The following GSDME variants were observed in gnomAD, a reference collection of about 807,000 sequenced individuals.
The protein encoded by GSDME is gasdermin-E.
A neutral mutation model predicts 47.5 loss-of-function variants in GSDME; 44 were observed. That is an observed-to-expected ratio of 0.93 (90% CI 0.73 to 1.19). The LOEUF is 1.19. GSDME is among the 50% of genes most tolerant of loss of function. GSDME has a pLI of 0.00. For missense variants in GSDME, 663 were observed against 604.2 expected, an observed-to-expected ratio of 1.10 and a Z score of -1.02; for synonymous variants, 258 against 252.8, an observed-to-expected ratio of 1.02 and a Z score of -0.20.
rs1441068555 is a variant in GSDME, at chr7:24,724,701, AAC to A, written c.405-5485_405-5484del. The A allele has an allele frequency of 1.3e-5, 2 of 152,230 alleles. No individual in the cohort carries two copies. Among genetic ancestry groups the A allele is most frequent in the African/African-American group, 4.8e-5 (2 of 41,458 alleles). The allele number at this position is 152,230 out of a possible 1,614,324, so 9.4% of individuals were successfully genotyped here. A position where few individuals can be genotyped will look rare whatever the true frequency, so the allele number is the denominator to read the frequency against. On this transcript the variant is annotated intron_variant, in intron 3 of 9. Coordinates refer to ENST00000645220, the MANE Select transcript of GSDME (RefSeq NM_001127453.2). The surrounding 1 kb of genome is among the most constrained non-coding windows in gnomAD (Gnocchi z 4.8). ...CTGCGCGTACCTGGCAGGTCGATAT[AAC>A]ACAAAGACCTGGAGTCATCCCGGAA... is the stretch of plus-strand genomic sequence containing the variant.
Position 24,706,078 on chromosome 7 carries a change from AC to A in GSDME, c.1183+105del, listed in dbSNP as rs1157458814. 13 of 1,373,066 alleles carry A rather than the reference AC, an allele frequency of 9.5e-6. No individual in the cohort carries two copies. The East Asian group carries it at 3.2e-4, about 33-fold the overall frequency. 85.1% of individuals were successfully genotyped at this position (1,373,066 alleles called of 1,614,324 possible). Reference sequence around the variant, plus strand: ...TACCAGAAGGGAAGGACCTGTATGTACCATATCTTCCACAGTTACCACCTCT... The same window carrying A: ...TACCAGAAGGGAAGGACCTGTATGTACATATCTTCCACAGTTACCACCTCT... On this transcript the variant is annotated intron_variant, in intron 8 of 9. Coordinates refer to ENST00000645220, the MANE Select transcript of GSDME (RefSeq NM_001127453.2).
chr7:24,706,517 C>A, intron 7 of GSDME, 141 bp from the exon 8 acceptor site: 3 of 793,082 alleles, frequency 3.8e-6, no homozygotes, highest in Admixed American at 5.5e-5. Flanking sequence ...TCTCTACGTT[C>A]TGAAATTGCT....
chr7:24,731,535 C>G (rs976356264), intron 3 of GSDME, among the ~76,000 whole-genome samples: 4 of 152,250 alleles, frequency 2.6e-5, no homozygotes, highest in Non-Finnish European at 4.4e-5. Context: ...TCCTGCAGCT[C>G]TGTGGCTCCC....
chr7:24,748,163 TATA>T (rs1313250025), intron 2 of GSDME, among the ~76,000 whole-genome samples: 3,007 of 117,276 alleles, frequency 0.026, 93 homozygotes, highest in African/African-American at 0.077. Context: ...TATATATATA[TATA>T]TATTTTTTTT....
At chr7:24,775,463 C>T in the GSDME span, among the ~76,000 whole-genome samples, 24 of 152,152 alleles carry the variant, frequency 1.6e-4, no homozygotes, top group Non-Finnish European at 3.4e-4. Flanking sequence ...TCAACACAAA[C>T]GTGTGAAGTG....
At chr7:24,746,986 C>A (rs1790687236) in intron 2 of GSDME, among the ~76,000 whole-genome samples, 1 of 152,236 alleles carries the variant, frequency 6.6e-6, no homozygotes, top group Admixed American at 6.5e-5. Context: ...GACACAGAAT[C>A]CAGGATGAGC....
Position 24,725,791 on chromosome 7 carries a change from A to G in GSDME, c.405-6573T>C, listed in dbSNP as rs1789946475. Reference sequence around the variant, plus strand: ...GTGACGCCGGGCTGTCTGCTTGTGGATTTCATTTCTGCCTTTTAGTTTTTA... The same window carrying G: ...GTGACGCCGGGCTGTCTGCTTGTGGGTTTCATTTCTGCCTTTTAGTTTTTA... On this transcript the variant is annotated intron_variant, in intron 3 of 9. Coordinates refer to ENST00000645220, the MANE Select transcript of GSDME (RefSeq NM_001127453.2). This position sits in a 1 kb window ranked among gnomAD's most constrained non-coding sequence, Gnocchi z 5.1. Among the ~76,000 whole-genome samples, 2 of 152,184 alleles carry G rather than the reference A, an allele frequency of 1.3e-5. No homozygotes were observed. Among genetic ancestry groups the G allele is most frequent in the South Asian group, 2.1e-4 (1 of 4,816 alleles).
At chr7:24,749,471 C>T in intron 2 of GSDME, 93 bp downstream of exon 2, 2 of 1,120,154 alleles carry the variant, frequency 1.8e-6, no homozygotes, top group Non-Finnish European at 2.6e-6. Context: ...CACTGCACTC[C>T]AGCATGGGCG....
chr7:24,782,737 T>C, the GSDME span, among the ~76,000 whole-genome samples: 4 of 152,366 alleles, frequency 2.6e-5, no homozygotes, highest in South Asian at 2.1e-4. Flanking sequence ...TGTTGTTTCC[T>C]GACTTTTTAA....
intron 3 of GSDME, 138 bp from the exon 4 acceptor site, chr7:24,719,356 G>A: frequency 2.1e-6 from 2 of 951,460 alleles, no homozygotes; most frequent in Non-Finnish European, 3.3e-6. Flanking sequence ...TGATGAAAGG[G>A]GTGGCAGGTC....
chr7:24,721,421 T>C lies in GSDME; in HGVS notation c.405-2203A>G, dbSNP rs1181136656. On this transcript the variant is annotated intron_variant, in intron 3 of 9. Transcript: ENST00000645220. The surrounding 1 kb of genome is among the most constrained non-coding windows in gnomAD (Gnocchi z 4.1). ...AGGAAGGAACAGGAAACAGGGACCC[T>C]GGAGCCTGCAGGGCTGGGGTTCGGA... 2.0e-5 allele frequency among the ~76,000 whole-genome samples: 3 copies of C among 152,218 alleles called. No homozygotes were observed. The highest frequency in any genetic ancestry group is 2.9e-5 in the Non-Finnish European group (2 of 68,038).
intron 3 of GSDME, among the ~76,000 whole-genome samples, chr7:24,741,567 C>G (rs1790493158): frequency 6.6e-6 from 1 of 152,100 alleles, no homozygotes; most frequent in African/African-American, 2.4e-5. Flanking sequence ...TATGTGCACA[C>G]ATTTCATAGA....
At chr7:24,706,034 C>T (rs1789084154) in intron 8 of GSDME, 150 bp downstream of exon 8, 5 of 995,654 alleles carry the variant, frequency 5.0e-6, no homozygotes, top group Admixed American at 2.0e-5. Context: ...CATCAGCCTC[C>T]CACCTCTTAC....
chr7:24,719,638 C>T (rs1354602710), intron 3 of GSDME, among the ~76,000 whole-genome samples: 2 of 151,582 alleles, frequency 1.3e-5, no homozygotes, highest in African/African-American at 2.4e-5. Flanking sequence ...ACCAAAAATA[C>T]AAAAATTAGC....
the GSDME span, among the ~76,000 whole-genome samples, chr7:24,792,611 T>C: frequency 6.6e-6 from 1 of 152,168 alleles, no homozygotes; most frequent in Non-Finnish European, 1.5e-5. Context: ...AGTAATAGAA[T>C]AGATGAAAGA....
chr7:24,780,055 A>G, the GSDME span, among the ~76,000 whole-genome samples: 1 of 152,248 alleles, frequency 6.6e-6, no homozygotes, highest in African/African-American at 2.4e-5. The surrounding 1 kb of genome is among the most constrained non-coding windows in gnomAD (Gnocchi z 4.1). Flanking sequence ...GCCCACATAC[A>G]AAGAGAATTA....
At position 24,744,650 on chromosome 7, in the gene GSDME, T is replaced by C; in HGVS notation, c.316A>G (p.Ser106Gly). ...GAAGACTGGCTCTCTACGCGGCTGC[T>C]GCCCCCCAGGTTCAGCTTGACCTTC... is the stretch of plus-strand genomic sequence containing the variant. ...LGKVKLNLGG[S>G]SRVESQSSFG... The change falls in exon 3 of 10, where the codon AGC becomes GGC. Residue 106 changes from serine (S) to glycine (G), a missense_variant. Transcript: ENST00000645220. This position sits in a 1 kb window ranked among gnomAD's most constrained non-coding sequence, Gnocchi z 4.5. The C allele has an allele frequency of 1.2e-6, 2 of 1,614,194 alleles. No homozygotes were observed. The highest frequency in any genetic ancestry group is 1.7e-6 in the Non-Finnish European group (2 of 1,180,038).
the GSDME span, among the ~76,000 whole-genome samples, chr7:24,792,385 G>A: frequency 4.7e-4 from 71 of 152,256 alleles, 2 homozygotes; most frequent in African/African-American, 1.6e-3. Context: ...GGTCTTTGTC[G>A]AAATCTCCTC....
Position 24,716,348 on chromosome 7 carries a change from C to G in GSDME, c.697+906G>C, listed in dbSNP as rs757185067. 6.6e-6 allele frequency: 1 copy of G among 152,214 alleles called. No homozygotes were observed. The highest frequency in any genetic ancestry group is 2.4e-5 in the African/African-American group (1 of 41,422). The allele number at this position is 152,214 out of a possible 1,614,324, so 9.4% of individuals were successfully genotyped here. On this transcript the variant is annotated intron_variant, in intron 5 of 9. Coordinates refer to ENST00000645220, the MANE Select transcript of GSDME (RefSeq NM_001127453.2). The surrounding 1 kb of genome is among the most constrained non-coding windows in gnomAD (Gnocchi z 4.5). ...CACTCATATTATTTTTGAATCAAACCACAGACATATTACCATTTCATCCGT... is the reference window on the plus strand; with the variant it reads ...CACTCATATTATTTTTGAATCAAACGACAGACATATTACCATTTCATCCGT...
Sources: allele counts gnomAD v4.1 joint callset (sites outside exome capture counted in the v4.1 genomes callset), GRCh38; gene constraint gnomAD v4.1.1; non-coding constraint Gnocchi (gnomAD v3.1); transcripts MANE v1.5; gene names NCBI Gene and HGNC (gene_info 2026-07-23, HGNC 2026-07-21).